PINX1: variants seen among roughly 807,000 people sequenced by gnomAD.
The protein encoded by PINX1 is PIN2/TERF1-interacting telomerase inhibitor 1.
In PINX1, 34 loss-of-function variants were observed where a neutral mutation model predicts 25.4. The observed-to-expected ratio is 1.34, with a 90% confidence interval of 1.02 to 1.78. The LOEUF (loss-of-function observed/expected upper bound fraction) is 1.78, where lower values mean the gene tolerates loss of function less well. PINX1 is among the 40% of genes most tolerant of loss of function. The pLI, the probability that PINX1 is intolerant of heterozygous loss-of-function variation, is 0.00. For missense variants in PINX1, 592 were observed against 404.9 expected, an observed-to-expected ratio of 1.46 and a Z score of -3.97; for synonymous variants, 197 against 147.7, an observed-to-expected ratio of 1.33 and a Z score of -2.42.
intron 1 of PINX1, among the ~76,000 whole-genome samples, chr8:10,835,165 C>T (rs1357947450): frequency 2.6e-5 from 4 of 152,192 alleles, no homozygotes; most frequent in Non-Finnish European, 4.4e-5. Context: ...CATTGCCATG[C>T]GTTACTACAT....
intron 6 of PINX1, among the ~76,000 whole-genome samples, chr8:10,779,345 A>G (rs1801510373): frequency 6.6e-6 from 1 of 152,276 alleles, no homozygotes; most frequent in Non-Finnish European, 1.5e-5. Flanking sequence ...GTCAATGGAC[A>G]TATAACAAAA....
chr8:10,823,213 C>G (rs1002313740), intron 5 of PINX1, among the ~76,000 whole-genome samples: 1 of 152,202 alleles, frequency 6.6e-6, no homozygotes, highest in African/African-American at 2.4e-5. Flanking sequence ...TCTGTATTTC[C>G]CGACCAGGAA....
At position 10,820,177 on chromosome 8, in the gene PINX1, G is replaced by C. The variant is rs370831012; in HGVS notation, c.471+16C>G. 13 of 1,528,326 alleles carry C rather than the reference G, an allele frequency of 8.5e-6. No homozygotes were observed. In the Admixed American group the frequency reaches 1.3e-4, roughly 16 times the overall value. The allele number at this position is 1,528,326 out of a possible 1,614,324, so 94.7% of individuals were successfully genotyped here. A position where few individuals can be genotyped will look rare whatever the true frequency, so the allele number is the denominator to read the frequency against. ...AGTATTAAAGCGGAACACGGAAACT[G>C]TACGTGGCTTTATACCTCGGGAGTC... On this transcript the variant is annotated intron_variant, in intron 6 of 6. Transcript: ENST00000314787.
At chr8:10,791,976 T>C (rs1299392016) in intron 6 of PINX1, among the ~76,000 whole-genome samples, 1 of 152,150 alleles carries the variant, frequency 6.6e-6, no homozygotes, top group Non-Finnish European at 1.5e-5. Context: ...CAGTTACACC[T>C]GGCAGTGATG....
intron 4 of PINX1, among the ~76,000 whole-genome samples, chr8:10,826,754 T>C (rs949839711): frequency 6.6e-6 from 1 of 152,092 alleles, no homozygotes; most frequent in Admixed American, 6.5e-5. Context: ...TCTACAAACA[T>C]AACATATGAC....
chr8:10,827,835 T>G (rs1362157960), intron 4 of PINX1, among the ~76,000 whole-genome samples: 1 of 138,020 alleles, frequency 7.2e-6, no homozygotes, highest in Non-Finnish European at 1.5e-5. Context: ...GGCGTGAACC[T>G]GGGAGGCAGA....
chr8:10,802,963 A>G (rs906619560), intron 6 of PINX1, among the ~76,000 whole-genome samples: 1 of 152,216 alleles, frequency 6.6e-6, no homozygotes, highest in African/African-American at 2.4e-5. Context: ...TAAATTGGAC[A>G]CTAGCAACTT....
At chr8:10,800,754 G>A (rs901240797) in intron 6 of PINX1, among the ~76,000 whole-genome samples, 1 of 152,208 alleles carries the variant, frequency 6.6e-6, no homozygotes, top group Non-Finnish European at 1.5e-5. Flanking sequence ...ACCGGCCTAA[G>A]TCACTACGCC....
At chr8:10,800,306 T>C (rs1277193619) in intron 6 of PINX1, among the ~76,000 whole-genome samples, 1 of 152,306 alleles carries the variant, frequency 6.6e-6, no homozygotes, top group African/African-American at 2.4e-5. Context: ...TAAACGACAC[T>C]GATGCAATCA....
intron 6 of PINX1, among the ~76,000 whole-genome samples, chr8:10,801,231 G>C (rs1056412826): frequency 2.0e-5 from 3 of 152,206 alleles, no homozygotes; most frequent in Non-Finnish European, 2.9e-5. Context: ...GAAAGGGATG[G>C]ATTTCCAATG....
chr8:10,771,871 A>C (rs1801234312), intron 6 of PINX1, among the ~76,000 whole-genome samples: 1 of 152,188 alleles, frequency 6.6e-6, no homozygotes, highest in African/African-American at 2.4e-5. Context: ...TTCTCTAACT[A>C]CTGCAGAGTA....
chr8:10,784,444 G>C (rs545163826), intron 6 of PINX1, among the ~76,000 whole-genome samples: 7 of 152,242 alleles, frequency 4.6e-5, no homozygotes, highest in African/African-American at 1.7e-4. Context: ...AGAAATAAAA[G>C]AAAACTAACT....
At chr8:10,787,861 T>C (rs1304707764) in intron 6 of PINX1, 1 of 455,766 alleles carries the variant, frequency 2.2e-6, no homozygotes, top group Non-Finnish European at 4.4e-6. Context: ...TGAGAACCTA[T>C]TGGTTAAGAA....
At chr8:10,813,540 G>A (rs1223111607) in intron 6 of PINX1, among the ~76,000 whole-genome samples, 2 of 151,948 alleles carry the variant, frequency 1.3e-5, no homozygotes. Flanking sequence ...CAAGCAATGG[G>A]GAAAAAAAGG....
chr8:10,832,506 T>C (rs1005090776), intron 3 of PINX1, among the ~76,000 whole-genome samples: 1 of 152,218 alleles, frequency 6.6e-6, no homozygotes, highest in African/African-American at 2.4e-5. Flanking sequence ...ATCAACTTTA[T>C]ATAAACTCTT....
chr8:10,776,708 A>G (rs1801408364), intron 6 of PINX1, among the ~76,000 whole-genome samples: 1 of 152,104 alleles, frequency 6.6e-6, no homozygotes, highest in Admixed American at 6.5e-5. Flanking sequence ...TAAGGTCAGG[A>G]AGGGACCACG....
intron 6 of PINX1, among the ~76,000 whole-genome samples, chr8:10,779,553 T>TC (rs201163142): frequency 6.6e-6 from 1 of 152,202 alleles, no homozygotes; most frequent in Non-Finnish European, 1.5e-5. Flanking sequence ...TCTCTCTCTC[T>TC]TTTTTTAAAA....
intron 6 of PINX1, among the ~76,000 whole-genome samples, chr8:10,794,400 T>C (rs991821881): frequency 6.6e-6 from 1 of 152,068 alleles, no homozygotes; most frequent in East Asian, 1.9e-4. Context: ...CGAACAGTAT[T>C]ACAAAGTAAA....
rs116291921 is a variant in PINX1, at chr8:10,801,364, T to A, written c.471+18829A>T. On this transcript the variant is annotated intron_variant, in intron 6 of 6. Coordinates refer to ENST00000314787, the MANE Select transcript of PINX1 (RefSeq NM_017884.6). Reference sequence around the variant, plus strand: ...GAAAATGATGACTGCACATTTGCTTTATGCCTTAAAGAGTCTCCAAGTACT... The same window carrying A: ...GAAAATGATGACTGCACATTTGCTTAATGCCTTAAAGAGTCTCCAAGTACT... Among the ~76,000 whole-genome samples the A allele has an allele frequency of 5.7e-3, 862 of 152,356 alleles. 11 individuals are homozygous for A. Among genetic ancestry groups the A allele is most frequent in the African/African-American group, 0.02 (829 of 41,584 alleles).
Sources: gnomAD v4.1 joint callset for allele counts (sites outside exome capture counted in the v4.1 genomes callset) on GRCh38, gnomAD v4.1.1 for gene constraint, MANE v1.5 for transcripts, NCBI Gene and HGNC (gene_info 2026-07-23, HGNC 2026-07-21) for gene names.